SLIT3: variants seen among roughly 807,000 people sequenced by gnomAD.
SLIT3 encodes the protein slit homolog 3 protein.
SLIT3 carries 68 observed loss-of-function variants against 184.0 expected under a neutral mutation model. The observed-to-expected ratio is 0.37, with a 90% CI of 0.30 to 0.45. The LOEUF (loss-of-function observed/expected upper bound fraction) is 0.45. Among genes scored for constraint, SLIT3 ranks in the 20% least tolerant of loss-of-function variants. The pLI, the probability that SLIT3 is intolerant of heterozygous loss-of-function variation, is 1.00. For missense variants in SLIT3, 1,707 were observed against 2,026.0 expected (o/e 0.84, Z 3.02); for synonymous variants, 831 against 828.6 (o/e 1.00, Z -0.05).
At chr5:168,814,733 C>T (rs766638790) in intron 8 of SLIT3, among the ~76,000 whole-genome samples, 1 of 152,190 alleles carries the variant, frequency 6.6e-6, no homozygotes, top group Non-Finnish European at 1.5e-5. Context: ...CAAAAGTATT[C>T]GCAGTTTTTG....
chr5:169,233,404 CTT>C (rs70979127), intron 3 of SLIT3, among the ~76,000 whole-genome samples: 94 of 145,368 alleles, frequency 6.5e-4, no homozygotes, highest in Admixed American at 8.9e-4. Flanking sequence ...TAGAAATTGT[CTT>C]TTTTTTTTTT....
At chr5:169,175,861 G>A in intron 4 of SLIT3, among the ~76,000 whole-genome samples, 1 of 152,186 alleles carries the variant, frequency 6.6e-6, no homozygotes, top group East Asian at 1.9e-4. Flanking sequence ...TGCAGGGTGA[G>A]AGCCATGACT....
intron 4 of SLIT3, among the ~76,000 whole-genome samples, chr5:169,162,964 T>C (rs1762524908): frequency 6.6e-6 from 1 of 152,072 alleles, no homozygotes; most frequent in Admixed American, 6.5e-5. Context: ...AACTTGAACC[T>C]GATTCCAACA....
At chr5:169,207,417 G>A (rs1325561022) in intron 3 of SLIT3, among the ~76,000 whole-genome samples, 2 of 120,844 alleles carry the variant, frequency 1.7e-5, no homozygotes, top group African/African-American at 6.6e-5. Context: ...ACACACACAC[G>A]GCACCAAGTC....
chr5:169,249,665 A>C (rs1322380919), intron 2 of SLIT3, among the ~76,000 whole-genome samples: 2 of 152,248 alleles, frequency 1.3e-5, no homozygotes, highest in East Asian at 3.8e-4. Flanking sequence ...ACATAGAATC[A>C]AGAGTTGCTA....
chr5:169,280,182 G>T (rs886747063), intron 1 of SLIT3, among the ~76,000 whole-genome samples: 1 of 152,334 alleles, frequency 6.6e-6, no homozygotes, highest in Non-Finnish European at 1.5e-5. Flanking sequence ...GAAAGGAGAG[G>T]TTGGACCAGC....
At chr5:168,684,471 C>T (rs6555825) in intron 31 of SLIT3, among the ~76,000 whole-genome samples, 45,725 of 151,950 alleles carry the variant, frequency 0.3, 7,531 homozygotes, top group African/African-American at 0.43. Context: ...AATAATAAGT[C>T]TTATTTATTT....
chr5:169,281,477 C>G (rs1240489476), intron 1 of SLIT3, among the ~76,000 whole-genome samples: 1 of 152,168 alleles, frequency 6.6e-6, no homozygotes. Context: ...TCTGTCTCAA[C>G]TCGACCCAGC....
intron 4 of SLIT3, among the ~76,000 whole-genome samples, chr5:168,902,445 C>A (rs975567693): frequency 1.3e-5 from 2 of 152,134 alleles, no homozygotes; most frequent in Admixed American, 1.3e-4. Flanking sequence ...ATATGCACAA[C>A]AGGAGAGCTC....
At position 169,300,316 on chromosome 5, in the gene SLIT3, GGTTTCGA is replaced by G. The variant is rs1767643338; in HGVS notation, c.197+190_197+196del. ...GCACTGCTCTTTGCCCATCGCTGGG[GGTTTCGA>G]GACCTCTCTTTCCAGATCTGACCAA... On this transcript the variant is annotated intron_variant, in intron 1 of 35. Transcript: ENST00000519560. The surrounding 1 kb of genome is among the most constrained non-coding windows in gnomAD (Gnocchi z 4.1). Among the ~76,000 whole-genome samples the G allele has an allele frequency of 6.6e-6, 1 of 152,214 alleles. No homozygotes were observed.
chr5:168,990,294 G>T (rs571148458), intron 4 of SLIT3, among the ~76,000 whole-genome samples: 1 of 152,236 alleles, frequency 6.6e-6, no homozygotes, highest in Non-Finnish European at 1.5e-5. Flanking sequence ...ACAGAGAAGG[G>T]TGAGGGTGGG....
intron 6 of SLIT3, among the ~76,000 whole-genome samples, chr5:168,834,843 G>T (rs371636489): frequency 6.6e-6 from 1 of 152,032 alleles, no homozygotes; most frequent in African/African-American, 2.4e-5. Flanking sequence ...AGCAGGACAG[G>T]GAAGCAGACC....
intron 4 of SLIT3, among the ~76,000 whole-genome samples, chr5:169,080,013 T>G (rs572717831): frequency 6.6e-6 from 1 of 151,284 alleles, no homozygotes; most frequent in East Asian, 2.0e-4. Flanking sequence ...AAGACTTTAT[T>G]TAAGGGGGGC....
At chr5:168,771,103 G>T (rs149704514) in intron 14 of SLIT3, among the ~76,000 whole-genome samples, 1,561 of 152,246 alleles carry the variant, frequency 0.01, 17 homozygotes, top group Middle Eastern at 0.034. Context: ...GGCTCTCACT[G>T]TCCTTCTTTT....
At chr5:168,765,460 A>G (rs1217209866) in intron 14 of SLIT3, among the ~76,000 whole-genome samples, 1 of 152,166 alleles carries the variant, frequency 6.6e-6, no homozygotes, top group African/African-American at 2.4e-5. Flanking sequence ...CAGAAATGTT[A>G]ATAACGGCGT....
At chr5:168,893,205 T>G (rs1760532116) in intron 4 of SLIT3, among the ~76,000 whole-genome samples, 1 of 152,212 alleles carries the variant, frequency 6.6e-6, no homozygotes, top group South Asian at 2.1e-4. Flanking sequence ...CTTGGTTGGG[T>G]GTGGACAGGG....
chr5:169,076,760 T>C (rs1349329200), intron 4 of SLIT3, among the ~76,000 whole-genome samples: 1 of 152,144 alleles, frequency 6.6e-6, no homozygotes, highest in African/African-American at 2.4e-5. Flanking sequence ...AATATTCTTT[T>C]TAAATTTAAA....
In SLIT3 at chr5:168,956,569, G is replaced by A. The variant is rs144480006; in HGVS notation, c.414-73233C>T. ...CCAGCACATTGGGAGGCCAAGGCGG[G>A]CAGATCAGGAGGTCAAGAGACAGAG... On this transcript the variant is annotated intron_variant, in intron 4 of 35. Coordinates refer to ENST00000519560, the MANE Select transcript of SLIT3 (RefSeq NM_003062.4). Among the ~76,000 whole-genome samples the A allele has an allele frequency of 2.9e-3, 437 of 152,272 alleles. 2 individuals are homozygous for A. Among genetic ancestry groups the A allele is most frequent in the African/African-American group, 1.0e-2 (415 of 41,550 alleles).
chr5:168,971,039 G>T (rs1393376089), intron 4 of SLIT3, among the ~76,000 whole-genome samples: 1 of 152,182 alleles, frequency 6.6e-6, no homozygotes, highest in Admixed American at 6.5e-5. Context: ...CCACAGGCCA[G>T]ATGTTACTCT....
Sources: gnomAD v4.1 joint callset for allele counts (sites outside exome capture counted in the v4.1 genomes callset) on GRCh38, gnomAD v4.1.1 for gene constraint, Gnocchi (gnomAD v3.1) non-coding constraint, MANE v1.5 for transcripts, NCBI Gene and HGNC (gene_info 2026-07-23, HGNC 2026-07-21) for gene names.